Variants in TTLL11 observed in about 807,000 individuals in gnomAD.
The protein encoded by TTLL11 is tubulin polyglutamylase TTLL11.
A neutral mutation model predicts 51.7 loss-of-function variants in TTLL11; 42 were observed. The ratio of observed to expected loss-of-function variants is 0.81; its 90% CI spans 0.64 to 1.05. The LOEUF (loss-of-function observed/expected upper bound fraction) is 1.05, where lower values mean the gene tolerates loss of function less well. Ranked by LOEUF, TTLL11 falls within the 50% of genes least tolerant of loss-of-function variation. The pLI, the probability that TTLL11 is intolerant of heterozygous loss-of-function variation, is 0.00. For missense variants in TTLL11, 799 were observed against 940.4 expected, an observed-to-expected ratio of 0.85 and a Z score of 1.97; for synonymous variants, 381 against 383.5, an observed-to-expected ratio of 0.99 and a Z score of 0.08.
intron 3 of TTLL11, among the ~76,000 whole-genome samples, chr9:122,024,529 C>T (rs1235535247): frequency 6.6e-6 from 1 of 152,156 alleles, no homozygotes; most frequent in Non-Finnish European, 1.5e-5. Flanking sequence ...TACCTGATTT[C>T]AAGGCTTATA....
intron 6 of TTLL11, among the ~76,000 whole-genome samples, chr9:121,961,766 G>T (rs1350561075): frequency 6.6e-6 from 1 of 152,160 alleles, no homozygotes; most frequent in African/African-American, 2.4e-5. Context: ...ATAAAAGGGA[G>T]AAAAATAGGC....
chr9:121,920,824 C>T (rs1261019382), intron 6 of TTLL11, among the ~76,000 whole-genome samples: 1 of 152,202 alleles, frequency 6.6e-6, no homozygotes, highest in African/African-American at 2.4e-5. Context: ...GACGAGCAGC[C>T]TCCCTTGCAG....
rs986961264 is a variant in TTLL11 at position 121,837,581 on chromosome 9, C to T, written c.1841-14702G>A. On this transcript the variant is annotated intron_variant, in intron 8 of 8. Coordinates refer to ENST00000321582, the MANE Select transcript of TTLL11 (RefSeq NM_001139442.2). ...AGTCGGTCCTGATTAATGCTCCCAG[C>T]TTGTCAGTTTCTCCCCTGCTCCTGA... 1.0e-3 allele frequency among the ~76,000 whole-genome samples: 156 copies of T among 152,138 alleles called. 15 individuals carry two copies. The highest frequency in any genetic ancestry group is 1.5e-5 in the Non-Finnish European group (1 of 68,020).
At chr9:121,883,910 G>C (rs1329515925) in intron 6 of TTLL11, among the ~76,000 whole-genome samples, 1 of 152,162 alleles carries the variant, frequency 6.6e-6, no homozygotes, top group Non-Finnish European at 1.5e-5. Flanking sequence ...CTCTGACACT[G>C]CCACTTCCTG....
chr9:122,055,687 G>A (rs114807266), intron 1 of TTLL11, among the ~76,000 whole-genome samples: 6,298 of 152,244 alleles, frequency 0.041, 416 homozygotes, highest in African/African-American at 0.14. Flanking sequence ...AATAAGGCCT[G>A]CAGTCACCAT....
intron 6 of TTLL11, among the ~76,000 whole-genome samples, chr9:121,896,445 TCACA>T (rs1839529364): frequency 6.6e-6 from 1 of 152,140 alleles, no homozygotes; most frequent in Admixed American, 6.5e-5. Context: ...CTCTCCCATC[TCACA>T]CACAGTCTTG....
chr9:121,834,227 G>C lies in TTLL11; in HGVS notation c.1841-11348C>G, dbSNP rs116517346. Among the ~76,000 whole-genome samples, 1,402 of 152,258 alleles carry C rather than the reference G, an allele frequency of 9.2e-3. 27 individuals carry two copies. Among genetic ancestry groups the C allele is most frequent in the African/African-American group, 0.032 (1,343 of 41,548 alleles). ...CTTGCAGCCCAGCTCCCTGTCTGCT[G>C]CTGCACGGTTCCCCTAGACTTGACC... is the stretch of plus-strand genomic sequence containing the variant. On this transcript the variant is annotated intron_variant, in intron 8 of 8. Transcript: ENST00000321582.
chr9:121,921,003 T>C (rs1301372036), intron 6 of TTLL11, among the ~76,000 whole-genome samples: 1 of 152,258 alleles, frequency 6.6e-6, no homozygotes, highest in Non-Finnish European at 1.5e-5. Flanking sequence ...AACAAGTTTC[T>C]AACAATCTTA....
intron 1 of TTLL11, among the ~76,000 whole-genome samples, chr9:122,053,495 G>A (rs771267451): frequency 4.6e-5 from 7 of 152,248 alleles, no homozygotes; most frequent in Admixed American, 1.3e-4. Context: ...GGCAAGCTGC[G>A]GAGCTGGAGC....
intron 6 of TTLL11, among the ~76,000 whole-genome samples, chr9:121,881,760 T>G (rs1392464998): frequency 6.6e-6 from 1 of 152,192 alleles, no homozygotes; most frequent in East Asian, 1.9e-4. Flanking sequence ...TGTCCTGACC[T>G]TGCATTTGTA....
intron 8 of TTLL11, among the ~76,000 whole-genome samples, chr9:121,834,084 C>T (rs1338776635): frequency 5.3e-5 from 8 of 152,166 alleles, no homozygotes; most frequent in Non-Finnish European, 2.9e-5. Context: ...CTAGAATTAG[C>T]TTAGTGCTTC....
At chr9:121,932,584 C>T (rs1841031471) in intron 6 of TTLL11, among the ~76,000 whole-genome samples, 1 of 152,230 alleles carries the variant, frequency 6.6e-6, no homozygotes, top group Non-Finnish European at 1.5e-5. Flanking sequence ...CCTCAGCTGA[C>T]AGCATGGAGA....
intron 2 of TTLL11, among the ~76,000 whole-genome samples, chr9:122,037,958 C>T (rs944579242): frequency 3.3e-5 from 5 of 152,072 alleles, no homozygotes; most frequent in Non-Finnish European, 5.9e-5. Context: ...AATGCGTTTT[C>T]TTAAAGACGT....
intron 1 of TTLL11, among the ~76,000 whole-genome samples, chr9:122,058,789 T>C (rs1276734172): frequency 6.6e-6 from 1 of 152,226 alleles, no homozygotes; most frequent in East Asian, 1.9e-4. Flanking sequence ...CTGTTATTCC[T>C]CTACTAAGTA....
chr9:122,012,441 A>AG (rs949966735), intron 3 of TTLL11, among the ~76,000 whole-genome samples: 13 of 148,976 alleles, frequency 8.7e-5, no homozygotes, highest in African/African-American at 1.2e-4. Flanking sequence ...AGAGAGAGAG[A>AG]AAAAAAAAAG....
chr9:121,993,578 AAC>A (rs546074224), intron 3 of TTLL11, among the ~76,000 whole-genome samples: 1 of 152,242 alleles, frequency 6.6e-6, no homozygotes, highest in Non-Finnish European at 1.5e-5. Context: ...CTGCGTTACA[AAC>A]ACACAAGTGG....
At chr9:121,823,274 A>G (rs540360322) in intron 8 of TTLL11, among the ~76,000 whole-genome samples, 1 of 152,358 alleles carries the variant, frequency 6.6e-6, no homozygotes, top group East Asian at 1.9e-4. Flanking sequence ...GGCTGGGCGC[A>G]GTGGCTCATG....
chr9:122,069,571 A>G (rs983120696), intron 1 of TTLL11, among the ~76,000 whole-genome samples: 1 of 152,112 alleles, frequency 6.6e-6, no homozygotes, highest in Non-Finnish European at 1.5e-5. Context: ...AGTCCCACCT[A>G]CTCAGGAAGC....
Position 122,088,785 on chromosome 9 carries a change from C to G in TTLL11, c.462+3902G>C, listed in dbSNP as rs530143620. ...TTTTGAGAGGCCGAGGCAGGCAGAT[C>G]ACTTGAGGTCAGGAGTTCAAGACCA... On this transcript the variant is annotated intron_variant, in intron 1 of 8. Transcript: ENST00000321582. Among the ~76,000 whole-genome samples, 46 of 152,162 alleles carry G rather than the reference C, an allele frequency of 3.0e-4. 1 individual carries two copies. The South Asian group carries it at 3.5e-3, about 12-fold the overall frequency.
Sources: gnomAD v4.1 joint callset for allele counts (sites outside exome capture counted in the v4.1 genomes callset) on GRCh38, gnomAD v4.1.1 for gene constraint, MANE v1.5 for transcripts, NCBI Gene and HGNC (gene_info 2026-07-23, HGNC 2026-07-21) for gene names.